The following ZNF267 variants were observed in gnomAD, a reference collection of about 807,000 sequenced individuals.
ZNF267 encodes the protein zinc finger protein 267, also known as zinc finger (C2H2).
A neutral mutation model predicts 71.6 loss-of-function variants in ZNF267; 61 were observed. The observed-to-expected ratio is 0.85, with a 90% CI of 0.69 to 1.05. The LOEUF is 1.05. ZNF267 is among the 50% of genes least tolerant of loss of function. The pLI is 0.00. For missense variants in ZNF267, 852 were observed against 870.0 expected (o/e 0.98, Z 0.26); for synonymous variants, 288 against 293.2 (o/e 0.98, Z 0.18).
At chr16:31,879,596 C>T (rs1335706787) in intron 1 of ZNF267, among the ~76,000 whole-genome samples, 2 of 152,358 alleles carry the variant, frequency 1.3e-5, no homozygotes, top group African/African-American at 2.4e-5. Context: ...TTTCTGTTCA[C>T]AACCCACATT....
At chr16:31,902,937 G>A (rs184772187) in intron 3 of ZNF267, among the ~76,000 whole-genome samples, 3 of 152,210 alleles carry the variant, frequency 2.0e-5, no homozygotes, top group Admixed American at 1.3e-4. Flanking sequence ...GTTTGTCATA[G>A]ATAGCTCTTA....
chr16:31,875,536 G>A (rs538652919), intron 1 of ZNF267, among the ~76,000 whole-genome samples: 5 of 152,274 alleles, frequency 3.3e-5, no homozygotes, highest in Admixed American at 2.6e-4. Context: ...TTTGTGAAGG[G>A]AGAAAAACTC....
At position 31,914,989 on chromosome 16, in the gene ZNF267, A is replaced by G; in HGVS notation, c.740A>G (p.Lys247Arg). 1 of 1,609,370 alleles carries G rather than the reference A, an allele frequency of 6.2e-7. No homozygotes were observed. The highest frequency in any genetic ancestry group is 8.5e-7 in the Non-Finnish European group (1 of 1,178,806). Residue 247 changes from lysine (K) to arginine (R), a missense_variant, in exon 4 of 4, where the codon AAA (lysine) becomes AGA (arginine). Coordinates refer to ENST00000300870, the MANE Select transcript of ZNF267 (RefSeq NM_003414.6). ...NYFLEKQYKCKEFEEVFLQSM... is the reference protein window; with the variant it reads ...NYFLEKQYKCREFEEVFLQSM... ...TTTCTAGAAAAACAATACAAATGTA[A>G]AGAATTTGAGGAAGTCTTTCTTCAG...
intron 1 of ZNF267, 70 bp downstream of exon 1, chr16:31,874,039 T>C (rs1238908560): frequency 3.2e-6 from 5 of 1,558,660 alleles, no homozygotes; most frequent in Non-Finnish European, 3.5e-6. Context: ...GAACCCGCTG[T>C]AGGGGCACCC....
chr16:31,908,190 A>G (rs1222889206), intron 3 of ZNF267, among the ~76,000 whole-genome samples: 4 of 152,190 alleles, frequency 2.6e-5, no homozygotes, highest in Non-Finnish European at 5.9e-5. Context: ...ACTGCTCCCT[A>G]GTTTGGGTTT....
At chr16:31,875,051 A>G in intron 1 of ZNF267, 1 of 1,154,390 alleles carries the variant, frequency 8.7e-7, no homozygotes, top group Non-Finnish European at 1.2e-6. Context: ...ACTCCACTGC[A>G]AAAAAAACTG....
chr16:31,875,385 GATAACCCCTTGGGACATA>G (rs1333965550), intron 1 of ZNF267: 1 of 1,170,630 alleles, frequency 8.5e-7, no homozygotes, highest in Admixed American at 3.2e-5. Context: ...AACCTAAAAA[GATAACCCCTTGGGACATA>G]AGGATTTTAT....
At chr16:31,885,290 C>T (rs1283100986) in intron 3 of ZNF267, 34 bp downstream of exon 3, 12 of 1,576,780 alleles carry the variant, frequency 7.6e-6, no homozygotes, top group African/African-American at 2.7e-5. Flanking sequence ...ATGACATGGG[C>T]GAGAGGTCCA....
intron 3 of ZNF267, among the ~76,000 whole-genome samples, chr16:31,904,304 C>G (rs987300153): frequency 2.0e-5 from 3 of 152,134 alleles, no homozygotes; most frequent in African/African-American, 7.2e-5. Flanking sequence ...CTATTAGGTC[C>G]GCTTGGTGCA....
At chr16:31,892,695 C>T (rs770947356) in intron 3 of ZNF267, among the ~76,000 whole-genome samples, 13 of 152,186 alleles carry the variant, frequency 8.5e-5, no homozygotes, top group East Asian at 1.9e-4. Context: ...CATGCAAGTC[C>T]AAAATCCAGC....
chr16:31,904,923 C>T (rs1052682313), intron 3 of ZNF267, among the ~76,000 whole-genome samples: 1 of 152,146 alleles, frequency 6.6e-6, no homozygotes, highest in African/African-American at 2.4e-5. Context: ...GTGGCTGGTA[C>T]CGGTTGTTCC....
intron 3 of ZNF267, among the ~76,000 whole-genome samples, chr16:31,903,012 G>A (rs916499930): frequency 6.6e-6 from 1 of 152,128 alleles, no homozygotes; most frequent in African/African-American, 2.4e-5. Context: ...GTTGAATTTT[G>A]TCAAAGGCCT....
At chr16:31,885,073 C>G in intron 2 of ZNF267, 88 bp from the exon 3 acceptor site, 1 of 1,046,820 alleles carries the variant, frequency 9.6e-7, no homozygotes, top group East Asian at 2.7e-5. Context: ...AGAAATTAAT[C>G]CTGTCCTGTG....
intron 3 of ZNF267, among the ~76,000 whole-genome samples, chr16:31,900,794 T>G (rs2084034560): frequency 6.7e-6 from 1 of 149,172 alleles, no homozygotes. Context: ...CTTATTTTTA[T>G]TTTTTTATTT....
chr16:31,907,537 CTG>C (rs1030948646), intron 3 of ZNF267, among the ~76,000 whole-genome samples: 2 of 152,086 alleles, frequency 1.3e-5, no homozygotes, highest in African/African-American at 4.8e-5. Context: ...GGTTTAATCT[CTG>C]TTCATTTTCA....
chr16:31,902,261 T>C (rs946602502), intron 3 of ZNF267, among the ~76,000 whole-genome samples: 1 of 152,162 alleles, frequency 6.6e-6, no homozygotes, highest in African/African-American at 2.4e-5. Flanking sequence ...GGCTTAGGAT[T>C]GTCTTGGTGA....
Position 31,915,335 on chromosome 16 carries a change from C to G in ZNF267, c.1086C>G (p.Asn362Lys). 2 of 1,613,672 alleles carry G rather than the reference C, an allele frequency of 1.2e-6. No individual in the cohort carries two copies. Among genetic ancestry groups the G allele is most frequent in the Non-Finnish European group, 1.7e-6 (2 of 1,179,862 alleles). Residue 362 changes from asparagine (N) to lysine (K), a missense_variant, in exon 4 of 4, where the codon AAC (asparagine) becomes AAG (lysine). Physicochemically the swap from Asn to Lys is moderately conservative, Grantham distance 94. Transcript: ENST00000300870. ...AATGTGGCAAGGTCTTTAACCTTAA[C>G]TGTAGTTTATACCTTACTAAACAGC... ...WKECGKVFNL[N>K]CSLYLTKQQQ...
intron 3 of ZNF267, among the ~76,000 whole-genome samples, chr16:31,908,596 TTC>T (rs1234902218): frequency 5.3e-4 from 81 of 152,306 alleles, no homozygotes; most frequent in African/African-American, 1.8e-3. Flanking sequence ...AGGGTCTAGT[TTC>T]TGTTTTTAAT....
chr16:31,908,975 G>A (rs1396626503), intron 3 of ZNF267, among the ~76,000 whole-genome samples: 2 of 151,880 alleles, frequency 1.3e-5, no homozygotes, highest in Non-Finnish European at 2.9e-5. Context: ...TATTTTCATA[G>A]GGATTGCATT....
Sources: gnomAD v4.1 joint callset for allele counts (sites outside exome capture counted in the v4.1 genomes callset) on GRCh38, gnomAD v4.1.1 for gene constraint, MANE v1.5 for transcripts, NCBI Gene and HGNC (gene_info 2026-07-23, HGNC 2026-07-21) for gene names.